Variants in WDFY4 observed in about 807,000 individuals in gnomAD.
WDFY4 encodes WDFY family member 4, also known as WD repeat- and FYVE domain-containing protein 4.
A neutral mutation model predicts 351.9 loss-of-function variants in WDFY4; 169 were observed. That is an observed-to-expected ratio of 0.48 (90% CI 0.42 to 0.55). WDFY4 has a LOEUF of 0.55. Among genes scored for constraint, WDFY4 ranks in the 20% least tolerant of loss-of-function variants. The probability of loss-of-function intolerance (pLI) is 0.00; values close to 1 mark genes in which losing one functional copy is unlikely to be tolerated. For missense variants in WDFY4, 3,803 were observed against 3,935.6 expected (o/e 0.97, Z 0.90); for synonymous variants, 1,622 against 1,574.6 (o/e 1.03, Z -0.71).
At position 48,875,119 on chromosome 10, in the gene WDFY4, CA is replaced by C; in HGVS notation, c.6982del (p.Thr2328GlnfsTer9). On this transcript the variant is annotated frameshift_variant, in exon 42 of 62. Transcript: ENST00000325239. LOFTEE classifies it high-confidence loss of function. Reference protein sequence around the residue: ...ESQDKNDHISQTNAENQDELT... With the variant: ...ESQDKNDHISXTNAENQDELT... ...CCAAGACAAAAATGATCATATTTCT[CA>C]AACAAATGCTGAAAACCAAGGTATT... is the stretch of plus-strand genomic sequence containing the variant. 2 of 1,490,130 alleles carry C rather than the reference CA, an allele frequency of 1.3e-6. No individual in the cohort carries two copies. Among genetic ancestry groups the C allele is most frequent in the Non-Finnish European group, 1.8e-6 (2 of 1,117,674 alleles). The allele number at this position is 1,490,130 out of a possible 1,614,324, so 92.3% of individuals were successfully genotyped here. A position where few individuals can be genotyped will look rare whatever the true frequency, so the allele number is the denominator to read the frequency against.
chr10:48,817,451 GCAT>G (rs1331854100), intron 32 of WDFY4, 42 bp downstream of exon 32: 23 of 1,512,760 alleles, frequency 1.5e-5, no homozygotes, highest in African/African-American at 2.8e-5. Flanking sequence ...GCAGTTGTGA[GCAT>G]CATCATCCTT....
At position 48,946,842 on chromosome 10, in the gene WDFY4, C is replaced by T; in HGVS notation, c.7868-18C>T. The stretch of plus-strand genomic sequence containing the variant: ...TGCAGGTAAGGAAGCAGCCCTCAAG[C>T]ATGTGTTTTTGTTGCAGGAGACATG... On this transcript the variant is annotated intron_variant, in intron 50 of 61. Coordinates refer to ENST00000325239, the MANE Select transcript of WDFY4 (RefSeq NM_001394531.1). The T allele has an allele frequency of 6.5e-7, 1 of 1,542,396 alleles. No individual in the cohort carries two copies. Among genetic ancestry groups the T allele is most frequent in the East Asian group, 2.4e-5 (1 of 40,860 alleles).
chr10:48,810,496 T>G, intron 28 of WDFY4, 34 bp from the exon 29 acceptor site: 3 of 1,538,202 alleles, frequency 2.0e-6, no homozygotes, highest in Non-Finnish European at 2.6e-6. Context: ...GCTCATGGAC[T>G]GAGAGAACAT....
At chr10:48,971,156 C>T (rs17009410) in intron 57 of WDFY4, among the ~76,000 whole-genome samples, 5,908 of 152,236 alleles carry the variant, frequency 0.039, 134 homozygotes, top group South Asian at 0.081. Flanking sequence ...AAATCCAATT[C>T]ATTTCTGCAT....
chr10:48,881,320 G>T (rs948152088), intron 43 of WDFY4, among the ~76,000 whole-genome samples: 1 of 152,238 alleles, frequency 6.6e-6, no homozygotes, highest in Non-Finnish European at 1.5e-5. Context: ...AGGCTCCTGT[G>T]AGGCAAGGAA....
At chr10:48,941,698 C>A in intron 47 of WDFY4, 108 bp from the exon 48 acceptor site, 1 of 1,167,538 alleles carries the variant, frequency 8.6e-7, no homozygotes, top group Non-Finnish European at 1.2e-6. Flanking sequence ...AAGTCTGCAG[C>A]TTTCCTGAAC....
chr10:48,898,332 C>A lies in WDFY4; in HGVS notation c.7437+758C>A, dbSNP rs540459378. Among the ~76,000 whole-genome samples, 10 of 152,266 alleles carry A rather than the reference C, an allele frequency of 6.6e-5. No individual in the cohort carries two copies. The South Asian group carries it at 2.1e-3, about 32-fold the overall frequency. On this transcript the variant is annotated intron_variant, in intron 45 of 61. Coordinates refer to ENST00000325239, the MANE Select transcript of WDFY4 (RefSeq NM_001394531.1). ...CACATGTTGCCTTCATTACCCCAAG[C>A]TCAGCAATAGCAAAGCTGCATCCCC...
chr10:48,785,621 C>G (rs1455555924), intron 19 of WDFY4, among the ~76,000 whole-genome samples: 1 of 152,180 alleles, frequency 6.6e-6, no homozygotes, highest in Non-Finnish European at 1.5e-5. Context: ...GCTTTTGCAT[C>G]TTTGTCAAAA....
chr10:48,943,235 G>A lies in WDFY4; in HGVS notation c.7630-95G>A, dbSNP rs1432437360. The A allele has an allele frequency of 9.6e-6, 14 of 1,450,904 alleles. No individual in the cohort carries two copies. In the East Asian group the frequency reaches 2.5e-4, roughly 26 times the overall value. 89.9% of individuals were successfully genotyped at this position (1,450,904 alleles called of 1,614,324 possible). On this transcript the variant is annotated intron_variant, in intron 48 of 61. Transcript: ENST00000325239. ...CTGGCTGCCTGTCCTCACCCACAGA[G>A]CCAGGGCCTGCTGCCGAGGCCTGAG...
At chr10:48,855,693 G>A (rs2069109104) in intron 39 of WDFY4, among the ~76,000 whole-genome samples, 1 of 152,026 alleles carries the variant, frequency 6.6e-6, no homozygotes, top group African/African-American at 2.4e-5. Context: ...GACCCATTAT[G>A]TATAAACATA....
chr10:48,939,270 G>T (rs1182077163), intron 47 of WDFY4, among the ~76,000 whole-genome samples: 1 of 152,196 alleles, frequency 6.6e-6, no homozygotes, highest in East Asian at 1.9e-4. Context: ...TGTCAACATC[G>T]CCAGGACCAC....
chr10:48,954,220 C>G (rs1192256566), intron 51 of WDFY4, among the ~76,000 whole-genome samples: 3 of 152,200 alleles, frequency 2.0e-5, no homozygotes, highest in African/African-American at 7.2e-5. Flanking sequence ...CTTAACTGAG[C>G]ACAAAATCCA....
intron 55 of WDFY4, 97 bp from the exon 56 acceptor site, chr10:48,968,967 A>G: frequency 1.6e-6 from 2 of 1,282,760 alleles, no homozygotes; most frequent in Non-Finnish European, 2.1e-6. Context: ...GCTTAAGTTC[A>G]AGTCCAGTGT....
At chr10:48,969,020 GCTGTT>G (rs1842216766) in intron 55 of WDFY4, 39 bp from the exon 56 acceptor site, 1 of 1,538,252 alleles carries the variant, frequency 6.5e-7, no homozygotes, top group Non-Finnish European at 8.8e-7. Flanking sequence ...TGTAGTGGGT[GCTGTT>G]CTTCCATGCA....
At chr10:48,716,364 TTCTC>T (rs1014338453) in intron 2 of WDFY4, among the ~76,000 whole-genome samples, 7 of 152,244 alleles carry the variant, frequency 4.6e-5, no homozygotes, top group Non-Finnish European at 8.8e-5. Context: ...ATCATTTTCT[TTCTC>T]TTTCTTCCAT....
chr10:48,849,180 G>C (rs1053625797), intron 39 of WDFY4, among the ~76,000 whole-genome samples: 2 of 152,058 alleles, frequency 1.3e-5, no homozygotes, highest in African/African-American at 4.8e-5. Context: ...TGAATACACA[G>C]AAACCTTAAA....
At chr10:48,968,082 C>T (rs1842165293) in intron 55 of WDFY4, 2 of 152,416 alleles carry the variant, frequency 1.3e-5, no homozygotes, top group Admixed American at 6.5e-5. Flanking sequence ...CATGTGGGCT[C>T]CAGGAGACTG....
rs1213721039 is a variant in WDFY4, at chr10:48,811,752, G to A, written c.5214+44G>A. The A allele has an allele frequency of 2.0e-6, 3 of 1,537,900 alleles. No individual in the cohort carries two copies. In the East Asian group the frequency reaches 7.4e-5, roughly 38 times the overall value. On this transcript the variant is annotated intron_variant, in intron 30 of 61. Transcript: ENST00000325239. ...CACAGGGTGACACACTTGGTTTTCT[G>A]ATTCCACATGACTAAGGCAGGTCGC...
At chr10:48,947,095 C>A (rs147652502) in intron 51 of WDFY4, 126 bp downstream of exon 51, 7 of 745,356 alleles carry the variant, frequency 9.4e-6, no homozygotes, top group Non-Finnish European at 1.5e-5. Context: ...CAGTCATTAG[C>A]CAGTGATTCC....
Sources: gnomAD v4.1 joint callset for allele counts (sites outside exome capture counted in the v4.1 genomes callset) on GRCh38, gnomAD v4.1.1 for gene constraint, MANE v1.5 for transcripts, NCBI Gene and HGNC (gene_info 2026-07-23, HGNC 2026-07-21) for gene names.